NKAIN2: variants seen among roughly 807,000 people sequenced by gnomAD.
NKAIN2 encodes sodium/potassium transporting ATPase interacting 2.
Under a neutral mutation model 32.6 loss-of-function variants are expected in NKAIN2, and 14 were observed. That is an observed-to-expected ratio of 0.43 (90% confidence interval 0.28 to 0.67). The LOEUF is 0.67. Ranked by LOEUF, NKAIN2 falls within the 30% of genes least tolerant of loss-of-function variation. NKAIN2 has a pLI of 0.17. For synonymous variants in NKAIN2, 80 were observed against 87.2 expected (o/e 0.92, Z 0.46); for missense variants, 198 against 258.3 (o/e 0.77, Z 1.60).
chr6:124,395,684 T>G (rs187962742), intron 3 of NKAIN2, among the ~76,000 whole-genome samples: 6 of 152,280 alleles, frequency 3.9e-5, no homozygotes, highest in African/African-American at 1.2e-4. Flanking sequence ...ATTTCACTTT[T>G]AGGTAAAGTA....
intron 3 of NKAIN2, among the ~76,000 whole-genome samples, chr6:124,631,709 G>GGAGT (rs1783575587): frequency 6.6e-6 from 1 of 152,116 alleles, no homozygotes; most frequent in African/African-American, 2.4e-5. Flanking sequence ...TAACTATAAA[G>GGAGT]GAGTCTGATC....
At chr6:123,858,124 T>TA (rs1396232529) in intron 1 of NKAIN2, among the ~76,000 whole-genome samples, 22 of 152,058 alleles carry the variant, frequency 1.4e-4, no homozygotes, top group African/African-American at 4.6e-4. Context: ...ATTATTATTT[T>TA]TTTTTTTTTG....
At chr6:124,559,732 G>GT (rs1562256221) in intron 3 of NKAIN2, among the ~76,000 whole-genome samples, 1 of 151,656 alleles carries the variant, frequency 6.6e-6, no homozygotes, top group East Asian at 1.9e-4. Flanking sequence ...GGGATGCCAC[G>GT]TCCTGGGTCA....
rs568341182 is a variant in NKAIN2 at position 124,408,804 on chromosome 6, C to G, written c.273+53457C>G. Among the ~76,000 whole-genome samples, 19 of 152,038 alleles carry G rather than the reference C, an allele frequency of 1.2e-4. 1 individual carries two copies. The highest frequency in any genetic ancestry group is 9.2e-4 in the Admixed American group (14 of 15,274). On this transcript the variant is annotated intron_variant, in intron 3 of 6. Coordinates refer to ENST00000368417, the MANE Select transcript of NKAIN2 (RefSeq NM_001040214.3). ...ACCTTGGGCAGTATGGCCATTTTCA[C>G]GATATTGATTCTTCCTACCCATGAG...
At chr6:124,658,429 T>C (rs1452004048) in intron 4 of NKAIN2, 43 bp downstream of exon 4, 3 of 1,613,644 alleles carry the variant, frequency 1.9e-6, no homozygotes, top group South Asian at 1.1e-5. Context: ...GCCTCTGGGG[T>C]TGTTTTATTT....
intron 3 of NKAIN2, among the ~76,000 whole-genome samples, chr6:124,579,053 C>A (rs1346268713): frequency 2.0e-5 from 3 of 152,162 alleles, no homozygotes; most frequent in Non-Finnish European, 4.4e-5. Flanking sequence ...CTCCCTAATG[C>A]AAATATGGCT....
intron 4 of NKAIN2, 67 bp downstream of exon 4, chr6:124,658,453 G>A (rs776039692): frequency 6.2e-7 from 1 of 1,611,038 alleles, no homozygotes; most frequent in Non-Finnish European, 8.5e-7. Flanking sequence ...TGCGAACTCA[G>A]TGCACACAAA....
Position 123,923,432 on chromosome 6 carries a change from A to C in NKAIN2, c.54+119178A>C, listed in dbSNP as rs534966467. 6.2e-4 allele frequency among the ~76,000 whole-genome samples: 94 copies of C among 151,974 alleles called. 1 individual carries two copies. The highest frequency in any genetic ancestry group is 2.2e-3 in the African/African-American group (91 of 41,440). ...AGCCTTTGTTGCATTTCGCAGAGGC[A>C]TGGGATTTGTAATGTCCATTCATGG... On this transcript the variant is annotated intron_variant, in intron 1 of 6. Transcript: ENST00000368417.
intron 1 of NKAIN2, among the ~76,000 whole-genome samples, chr6:124,101,490 G>T (rs971738760): frequency 6.6e-6 from 1 of 152,104 alleles, no homozygotes; most frequent in East Asian, 1.9e-4. Flanking sequence ...AATGTCAGGA[G>T]TATCAGTTTC....
At chr6:124,418,474 G>A (rs1774595928) in intron 3 of NKAIN2, among the ~76,000 whole-genome samples, 1 of 146,348 alleles carries the variant, frequency 6.8e-6, no homozygotes, top group East Asian at 2.0e-4. Flanking sequence ...AGTTTATATA[G>A]TATATATATA....
chr6:124,305,611 T>A (rs1796474221), intron 2 of NKAIN2, among the ~76,000 whole-genome samples: 1 of 152,082 alleles, frequency 6.6e-6, no homozygotes, highest in South Asian at 2.1e-4. Flanking sequence ...GAGATCAGGA[T>A]TAAAAATAAA....
chr6:124,306,015 T>TA (rs1796494054), intron 2 of NKAIN2, among the ~76,000 whole-genome samples: 1 of 152,168 alleles, frequency 6.6e-6, no homozygotes, highest in African/African-American at 2.4e-5. Flanking sequence ...ATGATTCTTG[T>TA]CATCACCCTC....
At chr6:124,575,263 C>G (rs1275775310) in intron 3 of NKAIN2, among the ~76,000 whole-genome samples, 2 of 152,160 alleles carry the variant, frequency 1.3e-5, no homozygotes, top group Non-Finnish European at 2.9e-5. Flanking sequence ...ATTATATATT[C>G]TCTTAGCTGT....
intron 1 of NKAIN2, among the ~76,000 whole-genome samples, chr6:124,018,075 C>T (rs889401526): frequency 1.3e-5 from 2 of 152,154 alleles, no homozygotes; most frequent in Non-Finnish European, 2.9e-5. Context: ...GTGGAGGTTC[C>T]CAAACCTCAA....
At chr6:124,616,792 A>G (rs1014153113) in intron 3 of NKAIN2, among the ~76,000 whole-genome samples, 2 of 151,874 alleles carry the variant, frequency 1.3e-5, no homozygotes, top group African/African-American at 4.8e-5. Context: ...TTCTTACTCC[A>G]TGTTGAAATT....
intron 1 of NKAIN2, among the ~76,000 whole-genome samples, chr6:124,149,529 T>C (rs2181235): frequency 0.01 from 1,579 of 152,350 alleles, 37 homozygotes; most frequent in African/African-American, 0.036. Context: ...GAACCATTTG[T>C]TAAAAAGACT....
At chr6:124,467,475 A>G (rs977620605) in intron 3 of NKAIN2, among the ~76,000 whole-genome samples, 1 of 152,110 alleles carries the variant, frequency 6.6e-6, no homozygotes, top group African/African-American at 2.4e-5. Flanking sequence ...TTCATTTTCC[A>G]TGTGATTTCA....
intron 1 of NKAIN2, among the ~76,000 whole-genome samples, chr6:124,130,939 C>T (rs1030167195): frequency 6.6e-6 from 1 of 152,090 alleles, no homozygotes; most frequent in Non-Finnish European, 1.5e-5. Flanking sequence ...CAACAAGGGA[C>T]GTGTGCACTC....
chr6:124,272,936 G>A (rs559472742), intron 1 of NKAIN2, among the ~76,000 whole-genome samples: 21 of 152,268 alleles, frequency 1.4e-4, no homozygotes, highest in African/African-American at 2.4e-4. Flanking sequence ...CACATTTCTC[G>A]CATTTGGAAT....
Sources: allele counts gnomAD v4.1 joint callset (sites outside exome capture counted in the v4.1 genomes callset), GRCh38; gene constraint gnomAD v4.1.1; transcripts MANE v1.5; gene names NCBI Gene and HGNC (gene_info 2026-07-23, HGNC 2026-07-21).